PKNOX2: variants seen among roughly 807,000 people sequenced by gnomAD.
PKNOX2 encodes PBX/knotted 1 homeobox 2.
A neutral mutation model predicts 53.1 loss-of-function variants in PKNOX2; 14 were observed. The ratio of observed to expected loss-of-function variants is 0.26; its 90% CI spans 0.17 to 0.41. The LOEUF (loss-of-function observed/expected upper bound fraction) is 0.41, where lower values mean the gene tolerates loss of function less well. Ranked by LOEUF, PKNOX2 falls within the 10% of genes least tolerant of loss-of-function variation. The probability of loss-of-function intolerance (pLI) is 1.00; values close to 1 mark genes in which losing one functional copy is unlikely to be tolerated. For missense variants in PKNOX2, 496 were observed against 602.8 expected (o/e 0.82, Z 1.85); for synonymous variants, 257 against 242.8 (o/e 1.06, Z -0.54).
rs1359279267 is a variant in PKNOX2, at chr11:125,431,373, A to G, written c.1400A>G (p.His467Arg). Residue 467 changes from histidine (H) to arginine (R), a missense_variant, in exon 13 of 13, where the codon CAC (histidine) becomes CGC (arginine). This residue lies in a region of PKNOX2 where 139 missense variants were observed against 161.3 expected (regional missense o/e 0.86). Coordinates refer to ENST00000298282, the MANE Select transcript of PKNOX2 (RefSeq NM_001382323.2). Reference protein sequence around the residue: ...TTNVSDLGLEHSDSLE With the variant: ...TTNVSDLGLERSDSLE ...AATGTCAGCGACCTGGGCTTGGAAC[A>G]CAGTGACTCCCTGGAGTAGTCGGGC... The G allele has an allele frequency of 1.9e-6, 3 of 1,555,042 alleles. No individual in the cohort carries two copies. The highest frequency in any genetic ancestry group is 2.8e-5 in the African/African-American group (2 of 72,390).
chr11:125,323,574 C>T lies in PKNOX2; in HGVS notation c.-129-8245C>T, dbSNP rs142048560. Among the ~76,000 whole-genome samples the T allele has an allele frequency of 2.6e-5, 4 of 152,302 alleles. No individual in the cohort carries two copies. The East Asian group carries it at 5.8e-4, about 22-fold the overall frequency. On this transcript the variant is annotated intron_variant, in intron 2 of 12. Transcript: ENST00000298282. ...GTGGTCATCACAGGAGGAAATAGAG[C>T]CCTGAGAAGGGCAGGGAGGCACAGA...
At chr11:125,200,397 G>A (rs549675880) in intron 1 of PKNOX2, among the ~76,000 whole-genome samples, 15 of 152,272 alleles carry the variant, frequency 9.9e-5, no homozygotes, top group African/African-American at 1.9e-4. Context: ...AGTTTCTGCC[G>A]TCAAAAACCT....
At chr11:125,340,914 G>C (rs2136152030) in intron 3 of PKNOX2, among the ~76,000 whole-genome samples, 1 of 152,086 alleles carries the variant, frequency 6.6e-6, no homozygotes, top group African/African-American at 2.4e-5. Context: ...GCCAGGCGTG[G>C]TGGCAGGCAC....
At chr11:125,230,860 T>C (rs1942149912) in intron 1 of PKNOX2, among the ~76,000 whole-genome samples, 2 of 152,160 alleles carry the variant, frequency 1.3e-5, no homozygotes, top group Non-Finnish European at 1.5e-5. Flanking sequence ...ATGAGAAAAT[T>C]GAGGTTCATA....
Position 125,212,948 on chromosome 11 carries a change from T to C in PKNOX2, c.-200-22097T>C, listed in dbSNP as rs145901920. 8.2e-3 allele frequency among the ~76,000 whole-genome samples: 1,242 copies of C among 152,142 alleles called. 20 individuals carry two copies. The highest frequency in any genetic ancestry group is 0.027 in the African/African-American group (1,138 of 41,516). The stretch of plus-strand genomic sequence containing the variant: ...CATGTCTACCCCATATGTAGGCTCT[T>C]GCACCACCATCTGACCCAGAGCTCT... On this transcript the variant is annotated intron_variant, in intron 1 of 12. Transcript: ENST00000298282.
intron 12 of PKNOX2, among the ~76,000 whole-genome samples, 195 bp from the exon 13 acceptor site, chr11:125,430,971 A>G (rs1288284966): frequency 1.3e-5 from 2 of 152,198 alleles, no homozygotes; most frequent in East Asian, 1.9e-4. Context: ...GCTTCCTGAG[A>G]TGGGGCAGGG....
At chr11:125,417,765 G>A (rs945341831) in intron 10 of PKNOX2, among the ~76,000 whole-genome samples, 4 of 151,928 alleles carry the variant, frequency 2.6e-5, no homozygotes, top group Non-Finnish European at 4.4e-5. Flanking sequence ...GTCCAGTCCC[G>A]GTCTTCAGAC....
intron 2 of PKNOX2, among the ~76,000 whole-genome samples, chr11:125,291,552 C>T (rs1947303869): frequency 6.6e-6 from 1 of 152,178 alleles, no homozygotes; most frequent in Non-Finnish European, 1.5e-5. Context: ...CCAGCAATTT[C>T]ACTCCTACAT....
chr11:125,362,896 C>A (rs1224469133), intron 4 of PKNOX2, among the ~76,000 whole-genome samples: 1 of 152,146 alleles, frequency 6.6e-6, no homozygotes, highest in African/African-American at 2.4e-5. Context: ...TCAGCCCCAC[C>A]CAGATTTTAC....
chr11:125,376,295 A>T (rs1246112216), intron 5 of PKNOX2, among the ~76,000 whole-genome samples: 1 of 152,236 alleles, frequency 6.6e-6, no homozygotes, highest in Middle Eastern at 3.2e-3. Context: ...CACACCGCCC[A>T]CTGGGCAGGA....
chr11:125,188,079 G>A (rs1191149397), intron 1 of PKNOX2: 1 of 152,210 alleles, frequency 6.6e-6, no homozygotes, highest in Non-Finnish European at 1.5e-5. Context: ...AGCCCTTGGA[G>A]ACAAGCTTTT....
intron 6 of PKNOX2, among the ~76,000 whole-genome samples, chr11:125,391,517 A>C (rs1400362555): frequency 6.6e-6 from 1 of 152,236 alleles, no homozygotes; most frequent in African/African-American, 2.4e-5. Context: ...TTCAGTTTTC[A>C]CAACAACTCT....
intron 1 of PKNOX2, among the ~76,000 whole-genome samples, chr11:125,214,645 C>T (rs1160724046): frequency 2.0e-5 from 3 of 152,112 alleles, no homozygotes; most frequent in African/African-American, 7.2e-5. Flanking sequence ...GTCAGCACCC[C>T]CTAGTTAGCA....
At chr11:125,333,166 T>TG (rs1452206618) in intron 3 of PKNOX2, among the ~76,000 whole-genome samples, 4 of 152,106 alleles carry the variant, frequency 2.6e-5, no homozygotes, top group Admixed American at 2.6e-4. Context: ...TTGAAGAAGA[T>TG]GGGAAGAAGG....
At chr11:125,344,302 G>A (rs184750542) in intron 3 of PKNOX2, among the ~76,000 whole-genome samples, 41 of 152,326 alleles carry the variant, frequency 2.7e-4, no homozygotes, top group East Asian at 2.1e-3. Context: ...GAGTGGAGAC[G>A]GGAGAGGAGG....
At position 125,274,281 on chromosome 11, in the gene PKNOX2, A is replaced by G. The variant is rs113170526; in HGVS notation, c.-130+39166A>G. 8.9e-4 allele frequency among the ~76,000 whole-genome samples: 135 copies of G among 152,266 alleles called. 2 individuals are homozygous for G. The highest frequency in any genetic ancestry group is 3.1e-3 in the African/African-American group (130 of 41,564). On this transcript the variant is annotated intron_variant, in intron 2 of 12. Coordinates refer to ENST00000298282, the MANE Select transcript of PKNOX2 (RefSeq NM_001382323.2). ...GGGGGTCCACACTCCTAACCACTGC[A>G]CCACACATACTTTCAGAACCTTATG...
rs185596107 is a variant in PKNOX2 at position 125,300,031 on chromosome 11, T to G, written c.-129-31788T>G. Among the ~76,000 whole-genome samples the G allele has an allele frequency of 3.3e-5, 5 of 152,348 alleles. No individual in the cohort carries two copies. The East Asian group carries it at 9.7e-4, about 29-fold the overall frequency. On this transcript the variant is annotated intron_variant, in intron 2 of 12. Coordinates refer to ENST00000298282, the MANE Select transcript of PKNOX2 (RefSeq NM_001382323.2). ...ATGGTTGGCACATGGTTAGCCCTGG[T>G]TGGTTGTCCAGGGGTGGAGTCACCG...
At chr11:125,387,598 A>G (rs1953735546) in intron 6 of PKNOX2, among the ~76,000 whole-genome samples, 1 of 152,166 alleles carries the variant, frequency 6.6e-6, no homozygotes, top group African/African-American at 2.4e-5. Context: ...AATCTAACAG[A>G]ACTTGGTTGA....
chr11:125,431,566 C>T lies in PKNOX2; in HGVS notation c.*174C>T, dbSNP rs182170552. The T allele has an allele frequency of 3.1e-5, 24 of 763,540 alleles. No individual in the cohort carries two copies. The East Asian group carries it at 4.7e-4, about 15-fold the overall frequency. 47.3% of individuals were successfully genotyped at this position (763,540 alleles called of 1,614,324 possible). Reference sequence around the variant, plus strand: ...GAGACACCTGTTCCTTCCCAACCACCGAGCTTCAATGAGGACCCCAGCCCC... The same window carrying T: ...GAGACACCTGTTCCTTCCCAACCACTGAGCTTCAATGAGGACCCCAGCCCC... On this transcript the variant is annotated 3_prime_UTR_variant, in exon 13 of 13. Transcript: ENST00000298282.
Sources: gnomAD v4.1 joint callset for allele counts (sites outside exome capture counted in the v4.1 genomes callset) on GRCh38, gnomAD v4.1.1 for gene constraint, gnomAD v4.1.1 regional missense constraint, MANE v1.5 for transcripts, NCBI Gene and HGNC (gene_info 2026-07-23, HGNC 2026-07-21) for gene names.